Variants in EML5 observed in about 807,000 individuals in gnomAD.
EML5 encodes the protein echinoderm microtubule-associated protein-like 5.
In EML5, 120 loss-of-function variants were observed where a neutral mutation model predicts 250.0. The ratio of observed to expected loss-of-function variants is 0.48; its 90% CI spans 0.41 to 0.56. The LOEUF (loss-of-function observed/expected upper bound fraction) is 0.56. Among genes scored for constraint, EML5 ranks in the 20% least tolerant of loss-of-function variants. The pLI is 0.00. For missense variants in EML5, 2,006 were observed against 2,437.6 expected, an observed-to-expected ratio of 0.82 and a Z score of 3.73; for synonymous variants, 771 against 806.5, an observed-to-expected ratio of 0.96 and a Z score of 0.75.
At chr14:88,644,316 C>CA in intron 30 of EML5, 117 bp downstream of exon 30, 2 of 875,702 alleles carry the variant, frequency 2.3e-6, no homozygotes, top group South Asian at 1.9e-5. Context: ...TTAAGTCAAA[C>CA]AAAAAACAGT....
chr14:88,651,154 C>CTTTTT (rs869045980), intron 27 of EML5, among the ~76,000 whole-genome samples: 531 of 92,548 alleles, frequency 5.7e-3, no homozygotes, highest in East Asian at 0.014. Flanking sequence ...TTGTCATTTT[C>CTTTTT]TTTTTTTTTT....
intron 13 of EML5, among the ~76,000 whole-genome samples, chr14:88,703,490 G>C (rs997765960): frequency 6.6e-6 from 1 of 152,074 alleles, no homozygotes; most frequent in African/African-American, 2.4e-5. Flanking sequence ...TCTTAAAATG[G>C]TCAATATAAG....
intron 21 of EML5, among the ~76,000 whole-genome samples, chr14:88,680,588 G>C (rs1320648650): frequency 2.6e-5 from 4 of 151,696 alleles, no homozygotes; most frequent in Admixed American, 2.0e-4. Context: ...TTCATGAAGG[G>C]ACATACATTA....
At chr14:88,730,875 G>A (rs61986670) in intron 7 of EML5, among the ~76,000 whole-genome samples, 36,810 of 151,996 alleles carry the variant, frequency 0.24, 4,634 homozygotes, top group East Asian at 0.38. Flanking sequence ...TTATGAAAAC[G>A]TAAGGGGTTT....
At chr14:88,774,787 T>C (rs1220434957) in intron 1 of EML5, among the ~76,000 whole-genome samples, 2 of 152,358 alleles carry the variant, frequency 1.3e-5, no homozygotes, top group Non-Finnish European at 2.9e-5. Context: ...TCTAGGTTCA[T>C]GGCTTTAAAT....
intron 1 of EML5, among the ~76,000 whole-genome samples, chr14:88,783,813 C>T (rs117116765): frequency 0.011 from 1,638 of 152,250 alleles, 21 homozygotes; most frequent in Non-Finnish European, 0.018. Flanking sequence ...CCAAATGGAT[C>T]TAATAGATAT....
chr14:88,759,140 A>G (rs1263125684), intron 1 of EML5, among the ~76,000 whole-genome samples: 1 of 151,840 alleles, frequency 6.6e-6, no homozygotes, highest in Non-Finnish European at 1.5e-5. Flanking sequence ...TGTACATTTT[A>G]TGTTATGTGA....
chr14:88,648,467 C>A (rs529067025), intron 28 of EML5, among the ~76,000 whole-genome samples: 1 of 152,098 alleles, frequency 6.6e-6, no homozygotes, highest in Non-Finnish European at 1.5e-5. Context: ...CATCTTCCTG[C>A]CACAGCATCC....
In EML5 at chr14:88,663,222, A is replaced by G. The variant is rs2092187799; in HGVS notation, c.3410-103T>C. ...TTTATGGGAAAAAATCAGCTTAAAT[A>G]TAAAAACCATTTTCTGCTGCAGTCA... On this transcript the variant is annotated intron_variant, in intron 23 of 43. Coordinates refer to ENST00000554922, the MANE Select transcript of EML5 (RefSeq NM_183387.3). 7 of 689,026 alleles carry G rather than the reference A, an allele frequency of 1.0e-5. No homozygotes were observed. The South Asian group carries it at 2.0e-4, about 20-fold the overall frequency. 42.7% of individuals were successfully genotyped at this position (689,026 alleles called of 1,614,324 possible).
At chr14:88,695,487 T>C in intron 15 of EML5, 33 bp from the exon 16 acceptor site, 4 of 1,557,296 alleles carry the variant, frequency 2.6e-6, no homozygotes, top group Non-Finnish European at 3.5e-6. Flanking sequence ...ATAAACTGAC[T>C]ATTAACATTC....
rs528867524 is a variant in EML5, at chr14:88,715,090, C to G, written c.1293G>C (p.Ser431=). 6.2e-7 allele frequency: 1 copy of G among 1,613,688 alleles called. No homozygotes were observed. The highest frequency in any genetic ancestry group is 1.1e-5 in the South Asian group (1 of 91,058). Residue 431 remains serine (S), a synonymous_variant, in exon 9 of 44, where the codon TCG becomes TCC. Coordinates refer to ENST00000554922, the MANE Select transcript of EML5 (RefSeq NM_183387.3). ...GCTGAGCAACTCCATAAATATCAAC[C>G]GAGCTGTCATTGCATCCAACAGCAA... is the stretch of plus-strand genomic sequence containing the variant. ...TYLAVGCNDS[S]VDIYGVAQRY... is the part of the protein sequence containing the mutation.
At chr14:88,714,409 G>T (rs1234952877) in intron 9 of EML5, among the ~76,000 whole-genome samples, 3 of 151,990 alleles carry the variant, frequency 2.0e-5, no homozygotes, top group Non-Finnish European at 2.9e-5. Context: ...GGGCCGGGGT[G>T]GATATAAGGA....
chr14:88,748,281 G>C (rs868013987), intron 2 of EML5, among the ~76,000 whole-genome samples: 3 of 152,280 alleles, frequency 2.0e-5, no homozygotes, highest in Admixed American at 6.5e-5. Context: ...AATTACTAGA[G>C]AGCTAAAAGC....
rs992351350 is a variant in EML5, at chr14:88,612,491, A to G, written c.*3327T>C. 3 of 152,332 alleles carry G rather than the reference A, an allele frequency of 2.0e-5. No homozygotes were observed. Among genetic ancestry groups the G allele is most frequent in the African/African-American group, 7.2e-5 (3 of 41,454 alleles). 9.4% of individuals were successfully genotyped at this position (152,332 alleles called of 1,614,324 possible). On this transcript the variant is annotated 3_prime_UTR_variant, in exon 44 of 44. Coordinates refer to ENST00000554922, the MANE Select transcript of EML5 (RefSeq NM_183387.3). ...CTAAATAATTTTTTTGGGAAACTAC[A>G]TTATCACAAAATTATACAAATTTTT... is the stretch of plus-strand genomic sequence containing the variant.
At chr14:88,766,903 C>T (rs527985229) in intron 1 of EML5, among the ~76,000 whole-genome samples, 2 of 152,118 alleles carry the variant, frequency 1.3e-5, no homozygotes, top group Non-Finnish European at 2.9e-5. Flanking sequence ...CGTTGAGTAT[C>T]GGGGGCTGGT....
chr14:88,702,834 A>G (rs1169087651), intron 13 of EML5, among the ~76,000 whole-genome samples: 1 of 152,152 alleles, frequency 6.6e-6, no homozygotes, highest in Non-Finnish European at 1.5e-5. Context: ...AGTTCCCTGC[A>G]ATTTTGACCA....
chr14:88,631,191 A>G (rs547841273), intron 33 of EML5, among the ~76,000 whole-genome samples: 2 of 152,204 alleles, frequency 1.3e-5, no homozygotes, highest in African/African-American at 4.8e-5. Flanking sequence ...CACTGAAAAC[A>G]TATCTAATGT....
At chr14:88,738,806 T>A in intron 6 of EML5, 73 bp downstream of exon 6, 4 of 1,457,780 alleles carry the variant, frequency 2.7e-6, no homozygotes, top group Non-Finnish European at 3.7e-6. Context: ...ACATTTATAC[T>A]CACTGAAAGA....
chr14:88,684,932 A>G, intron 20 of EML5, 83 bp downstream of exon 20: 3 of 1,204,020 alleles, frequency 2.5e-6, no homozygotes, highest in Middle Eastern at 2.9e-4. Flanking sequence ...ATTATTTTTC[A>G]TCACTGTCAA....
Sources: gnomAD v4.1 joint callset for allele counts (sites outside exome capture counted in the v4.1 genomes callset) on GRCh38, gnomAD v4.1.1 for gene constraint, MANE v1.5 for transcripts, NCBI Gene and HGNC (gene_info 2026-07-23, HGNC 2026-07-21) for gene names.